Variants in ULK4 observed in about 807,000 individuals in gnomAD.
The protein encoded by ULK4 is inactive serine/threonine-protein kinase ULK4.
In ULK4, 133 loss-of-function variants were observed where a neutral mutation model predicts 160.6. The observed-to-expected ratio is 0.83, with a 90% CI of 0.72 to 0.96. The LOEUF is 0.96. Among genes scored for constraint, ULK4 ranks in the 40% least tolerant of loss-of-function variants. The probability of loss-of-function intolerance (pLI) is 0.00; values close to 1 mark genes in which losing one functional copy is unlikely to be tolerated. For missense variants in ULK4, 1,580 were observed against 1,499.5 expected, an observed-to-expected ratio of 1.05 and a Z score of -0.89; for synonymous variants, 534 against 539.8, an observed-to-expected ratio of 0.99 and a Z score of 0.15.
chr3:41,906,255 T>C (rs1406664069), intron 12 of ULK4, among the ~76,000 whole-genome samples: 2 of 138,182 alleles, frequency 1.4e-5, no homozygotes, highest in Non-Finnish European at 3.1e-5. Flanking sequence ...CCAGGTGCAG[T>C]GGCTCATACC....
chr3:41,916,269 T>A (rs1698962817), intron 7 of ULK4, among the ~76,000 whole-genome samples: 1 of 152,120 alleles, frequency 6.6e-6, no homozygotes, highest in Non-Finnish European at 1.5e-5. Context: ...TTTTCCTAGA[T>A]CACAAAAAAG....
At chr3:41,523,928 A>T (rs2086021022) in intron 32 of ULK4, among the ~76,000 whole-genome samples, 1 of 151,846 alleles carries the variant, frequency 6.6e-6, no homozygotes, top group Non-Finnish European at 1.5e-5. Context: ...TCCATATAAT[A>T]AAAAAAAATT....
At chr3:41,600,479 G>T (rs1333383910) in intron 31 of ULK4, among the ~76,000 whole-genome samples, 1 of 152,128 alleles carries the variant, frequency 6.6e-6, no homozygotes, top group African/African-American at 2.4e-5. Context: ...TCTGACAGGA[G>T]GGCAGAAAAA....
At chr3:41,473,950 C>T (rs1406366965) in intron 32 of ULK4, among the ~76,000 whole-genome samples, 1 of 152,022 alleles carries the variant, frequency 6.6e-6, no homozygotes, top group African/African-American at 2.4e-5. Context: ...GCAGCAATCC[C>T]TAATAAAATT....
intron 4 of ULK4, 47 bp from the exon 5 acceptor site, chr3:41,932,053 T>C: frequency 6.4e-7 from 1 of 1,568,630 alleles, no homozygotes; most frequent in Non-Finnish European, 8.7e-7. Context: ...CAACTTAATT[T>C]GTACATATAT....
At chr3:41,718,059 T>C (rs1363409061) in intron 22 of ULK4, among the ~76,000 whole-genome samples, 198 bp from the exon 23 acceptor site, 1 of 152,148 alleles carries the variant, frequency 6.6e-6, no homozygotes, top group Non-Finnish European at 1.5e-5. Context: ...TAAAGCAACT[T>C]CAGATCTCTC....
intron 18 of ULK4, among the ~76,000 whole-genome samples, chr3:41,832,904 G>T (rs1271070970): frequency 6.6e-6 from 1 of 152,054 alleles, no homozygotes. Flanking sequence ...TGTCTGTTTT[G>T]TACCAGTACC....
intron 18 of ULK4, among the ~76,000 whole-genome samples, chr3:41,829,004 T>C (rs560314090): frequency 5.3e-5 from 8 of 150,884 alleles, no homozygotes; most frequent in African/African-American, 2.0e-4. Context: ...TATCTACAAC[T>C]ATCTGATCTT....
chr3:41,575,439 A>G (rs2088155726), intron 31 of ULK4, among the ~76,000 whole-genome samples: 1 of 152,100 alleles, frequency 6.6e-6, no homozygotes, highest in South Asian at 2.1e-4. Flanking sequence ...ACATTGAAGC[A>G]TGTTTTTCTC....
chr3:41,777,668 A>G (rs2039677333), intron 21 of ULK4, among the ~76,000 whole-genome samples: 1 of 115,518 alleles, frequency 8.7e-6, no homozygotes, highest in African/African-American at 3.7e-5. Flanking sequence ...TTCTGCCTTC[A>G]TTTCGTTATG....
chr3:41,516,993 C>T (rs2085771439), intron 32 of ULK4, among the ~76,000 whole-genome samples: 1 of 151,986 alleles, frequency 6.6e-6, no homozygotes, highest in South Asian at 2.1e-4. Flanking sequence ...GACCTGTATC[C>T]AAAGTATACA....
intron 17 of ULK4, among the ~76,000 whole-genome samples, chr3:41,866,955 G>A (rs760165756): frequency 2.0e-5 from 3 of 152,080 alleles, no homozygotes; most frequent in Non-Finnish European, 4.4e-5. Context: ...TCCCAGTCTT[G>A]ACGTTAGTAA....
At chr3:41,480,297 C>T (rs961140246) in intron 32 of ULK4, among the ~76,000 whole-genome samples, 1 of 150,744 alleles carries the variant, frequency 6.6e-6, no homozygotes, top group Admixed American at 6.6e-5. Context: ...TGTAAGTTTG[C>T]TATAGATTCT....
intron 35 of ULK4, among the ~76,000 whole-genome samples, chr3:41,295,565 A>G (rs1319956474): frequency 7.5e-6 from 1 of 132,460 alleles, no homozygotes; most frequent in Non-Finnish European, 1.7e-5. Context: ...AAAAATACAC[A>G]AAGAATTCTT....
intron 2 of ULK4, among the ~76,000 whole-genome samples, chr3:41,943,202 G>C (rs1006990252): frequency 7.4e-6 from 1 of 135,712 alleles, no homozygotes; most frequent in African/African-American, 2.8e-5. Flanking sequence ...GACAGAGCGA[G>C]ACTCCATCTC....
chr3:41,843,760 C>A (rs908907775), intron 17 of ULK4, among the ~76,000 whole-genome samples: 7 of 152,216 alleles, frequency 4.6e-5, no homozygotes, highest in African/African-American at 1.7e-4. Context: ...AGTGGGTTGC[C>A]ACTGCTGGCT....
In ULK4 at chr3:41,937,050, C is replaced by A. The variant is rs559215928; in HGVS notation, c.238+1048G>T. Reference sequence around the variant, plus strand: ...TATTAATACACACACATACTATATACCTACAAAAATTAAATATTAATACAA... The same window carrying A: ...TATTAATACACACACATACTATATAACTACAAAAATTAAATATTAATACAA... On this transcript the variant is annotated intron_variant, in intron 3 of 36. Transcript: ENST00000301831. 9.5e-5 allele frequency: 36 copies of A among 377,096 alleles called. No homozygotes were observed. The East Asian group carries it at 1.4e-3, about 15-fold the overall frequency. 23.4% of individuals were successfully genotyped at this position (377,096 alleles called of 1,614,324 possible).
rs540562059 is a variant in ULK4, at chr3:41,561,463, G to C, written c.3226+4562C>G. 1.1e-4 allele frequency among the ~76,000 whole-genome samples: 17 copies of C among 152,224 alleles called. No individual in the cohort carries two copies. In the South Asian group the frequency reaches 3.3e-3, roughly 30 times the overall value. On this transcript the variant is annotated intron_variant, in intron 32 of 36. Coordinates refer to ENST00000301831, the MANE Select transcript of ULK4 (RefSeq NM_017886.4). ...GGTAACAGCTCCTCTTTGTACCTCT[G>C]GTAGAATTCAGCTGTGAATTCATCT... is the stretch of plus-strand genomic sequence containing the variant.
chr3:41,508,711 A>G (rs2085477062), intron 32 of ULK4, among the ~76,000 whole-genome samples: 1 of 152,140 alleles, frequency 6.6e-6, no homozygotes. Context: ...GGCTAGACCC[A>G]GAATAGCAAA....
Sources: allele counts gnomAD v4.1 joint callset (sites outside exome capture counted in the v4.1 genomes callset), GRCh38; gene constraint gnomAD v4.1.1; transcripts MANE v1.5; gene names NCBI Gene and HGNC (gene_info 2026-07-23, HGNC 2026-07-21).